MNAT1: variants seen among roughly 807,000 people sequenced by gnomAD.
MNAT1 encodes CDK-activating kinase assembly factor MAT1.
Under a neutral mutation model 42.0 loss-of-function variants are expected in MNAT1, and 43 were observed. The ratio of observed to expected loss-of-function variants is 1.02; its 90% confidence interval spans 0.80 to 1.32. The LOEUF (loss-of-function observed/expected upper bound fraction) is 1.32. Among genes scored for constraint, MNAT1 ranks in the 40% most tolerant of loss-of-function variants. The probability of loss-of-function intolerance (pLI) is 0.00; values close to 1 mark genes in which losing one functional copy is unlikely to be tolerated. For synonymous variants in MNAT1, 118 were observed against 120.0 expected (o/e 0.98, Z 0.11); for missense variants, 306 against 350.4 (o/e 0.87, Z 1.01).
At chr14:60,946,583 T>C (rs1231647186) in intron 7 of MNAT1, among the ~76,000 whole-genome samples, 3 of 152,152 alleles carry the variant, frequency 2.0e-5, no homozygotes. Flanking sequence ...CCAGTTCTTC[T>C]TCCTCTGCTA....
chr14:60,941,947 T>C (rs991482625), intron 7 of MNAT1, among the ~76,000 whole-genome samples: 2 of 124,628 alleles, frequency 1.6e-5, no homozygotes, highest in African/African-American at 6.2e-5. Context: ...GAACTTGCAG[T>C]GAGCCGAGAT....
intron 6 of MNAT1, among the ~76,000 whole-genome samples, chr14:60,828,473 C>A (rs970334142): frequency 1.3e-5 from 2 of 151,764 alleles, no homozygotes; most frequent in Non-Finnish European, 2.9e-5. Context: ...AGGAAAAAAA[C>A]AACTCATTTT....
At chr14:60,754,601 G>A (rs531387742) in intron 1 of MNAT1, among the ~76,000 whole-genome samples, 2 of 152,056 alleles carry the variant, frequency 1.3e-5, no homozygotes, top group African/African-American at 4.8e-5. Context: ...TGCCCGCCTC[G>A]GCCTCCCAAA....
At chr14:60,822,820 A>G (rs1331526572) in intron 6 of MNAT1, among the ~76,000 whole-genome samples, 1 of 151,844 alleles carries the variant, frequency 6.6e-6, no homozygotes, top group Non-Finnish European at 1.5e-5. Flanking sequence ...GCAGTGACAC[A>G]ATCTGGACTC....
intron 7 of MNAT1, among the ~76,000 whole-genome samples, chr14:60,890,033 G>A (rs2034796417): frequency 6.6e-6 from 1 of 152,220 alleles, no homozygotes; most frequent in Non-Finnish European, 1.5e-5. Context: ...CATTGTGGAA[G>A]TCAGTGTGGT....
chr14:60,815,225 T>C (rs2032674794), intron 5 of MNAT1, among the ~76,000 whole-genome samples: 1 of 149,390 alleles, frequency 6.7e-6, no homozygotes, highest in African/African-American at 2.4e-5. Context: ...CTTTTTCCCT[T>C]TTTTTTTTTG....
At chr14:60,816,358 C>T (rs1431967515) in intron 5 of MNAT1, among the ~76,000 whole-genome samples, 1 of 152,062 alleles carries the variant, frequency 6.6e-6, no homozygotes, top group Non-Finnish European at 1.5e-5. Flanking sequence ...TAAACAGGTC[C>T]TGGCTTATTA....
intron 7 of MNAT1, among the ~76,000 whole-genome samples, chr14:60,923,118 G>C (rs796791467): frequency 4.1e-4 from 63 of 152,276 alleles, no homozygotes; most frequent in African/African-American, 1.5e-3. Flanking sequence ...CTGGAATAAA[G>C]TTTATGGTTT....
At chr14:60,811,651 T>C (rs905731240) in intron 4 of MNAT1, among the ~76,000 whole-genome samples, 1 of 152,110 alleles carries the variant, frequency 6.6e-6, no homozygotes, top group Non-Finnish European at 1.5e-5. Context: ...AGTCCTCCTA[T>C]TGTCAGTCTT....
At chr14:60,963,659 G>C (rs1297416261) in intron 7 of MNAT1, among the ~76,000 whole-genome samples, 1 of 152,162 alleles carries the variant, frequency 6.6e-6, no homozygotes, top group Non-Finnish European at 1.5e-5. Context: ...CTAGGACACA[G>C]ATCTGTTTGG....
chr14:60,749,176 A>G (rs2029963068), intron 1 of MNAT1, among the ~76,000 whole-genome samples: 2 of 152,222 alleles, frequency 1.3e-5, no homozygotes, highest in African/African-American at 2.4e-5. Flanking sequence ...ACCTGCAGGT[A>G]TCAGAAAGTT....
At chr14:60,790,246 C>A (rs1289327461) in intron 1 of MNAT1, among the ~76,000 whole-genome samples, 1 of 151,880 alleles carries the variant, frequency 6.6e-6, no homozygotes, top group African/African-American at 2.4e-5. Flanking sequence ...ATCTTGGGAC[C>A]CCCAAAATCA....
intron 7 of MNAT1, among the ~76,000 whole-genome samples, chr14:60,939,849 T>A (rs530960972): frequency 1.5e-3 from 224 of 152,156 alleles, no homozygotes; most frequent in Non-Finnish European, 2.3e-3. Context: ...GTCTCCCATT[T>A]TTATTGTGTG....
At chr14:60,908,334 A>T (rs916150013) in intron 7 of MNAT1, among the ~76,000 whole-genome samples, 5 of 151,858 alleles carry the variant, frequency 3.3e-5, no homozygotes, top group African/African-American at 1.2e-4. Flanking sequence ...TTTTATTTTT[A>T]TTATACTTTA....
chr14:60,965,953 C>T (rs1393947690), intron 7 of MNAT1, among the ~76,000 whole-genome samples: 2 of 152,138 alleles, frequency 1.3e-5, no homozygotes, highest in African/African-American at 4.8e-5. Context: ...TTAGACCTTT[C>T]TGAGGTAACT....
In MNAT1 at chr14:60,833,416, T is replaced by A. The variant is rs148721128; in HGVS notation, c.687+14569T>A. 2.6e-3 allele frequency among the ~76,000 whole-genome samples: 394 copies of A among 152,352 alleles called. 2 individuals are homozygous for A. The highest frequency in any genetic ancestry group is 8.0e-3 in the African/African-American group (334 of 41,580). On this transcript the variant is annotated intron_variant, in intron 6 of 7. Coordinates refer to ENST00000261245, the MANE Select transcript of MNAT1 (RefSeq NM_002431.4). ...GTATTGAATTTTGTTGAAGGCCTTT[T>A]CTGCATCTATTGAGAAAATCATGTG...
At chr14:60,767,273 G>T (rs908762213) in intron 1 of MNAT1, among the ~76,000 whole-genome samples, 1 of 152,162 alleles carries the variant, frequency 6.6e-6, no homozygotes, top group African/African-American at 2.4e-5. Flanking sequence ...TTATGGTTTT[G>T]TGAGTTCCTG....
intron 1 of MNAT1, chr14:60,780,378 A>G: frequency 3.2e-6 from 5 of 1,574,052 alleles, no homozygotes; most frequent in South Asian, 1.1e-5. Flanking sequence ...GTCATCAGAC[A>G]GATCACAGCT....
chr14:60,747,593 T>C (rs569902318), intron 1 of MNAT1, among the ~76,000 whole-genome samples: 2 of 152,310 alleles, frequency 1.3e-5, no homozygotes, highest in South Asian at 2.1e-4. Context: ...TGAAAGGAGT[T>C]TGTGGGACTG....
Sources: gnomAD v4.1 joint callset for allele counts (sites outside exome capture counted in the v4.1 genomes callset) on GRCh38, gnomAD v4.1.1 for gene constraint, MANE v1.5 for transcripts, NCBI Gene and HGNC (gene_info 2026-07-23, HGNC 2026-07-21) for gene names.